HEPH: variants seen among roughly 807,000 people sequenced by gnomAD.
HEPH encodes hephaestin.
Under a neutral mutation model 80.8 loss-of-function variants are expected in HEPH, and 69 were observed. That is an observed-to-expected ratio of 0.85 (90% CI 0.70 to 1.04). HEPH has a LOEUF of 1.04. Among genes scored for constraint, HEPH ranks in the 50% least tolerant of loss-of-function variants. The pLI is 0.00. For missense variants in HEPH, 1,115 were observed against 891.3 expected, an observed-to-expected ratio of 1.25 and a Z score of -3.20; for synonymous variants, 431 against 322.8, an observed-to-expected ratio of 1.34 and a Z score of -3.60.
At chrX:66,172,644 A>C in intron 3 of HEPH, 45 bp downstream of exon 3, 1 of 1,094,773 alleles carries the variant, frequency 9.1e-7, no homozygotes, top group Non-Finnish European at 1.2e-6. Flanking sequence ...AACAAATATC[A>C]CTTTTCCTTT....
rs1483791803 is a variant in HEPH at position 66,266,681 on chromosome X, G to T, written c.*9G>T. On this transcript the variant is annotated 3_prime_UTR_variant, in exon 21 of 21. Transcript: ENST00000343002. ...TGTCTTTCAAACAGTAACATCTGGA[G>T]CCTGGAGATATCCTCAGGAAGCACA... 1.7e-6 allele frequency: 2 copies of T among 1,149,072 alleles called. No individual in the cohort carries two copies. Among genetic ancestry groups the T allele is most frequent in the Admixed American group, 2.2e-5 (1 of 45,559 alleles). 94.7% of individuals were successfully genotyped at this position (1,149,072 alleles called of 1,213,427 possible).
At chrX:66,188,062 G>A (rs2087568323) in intron 4 of HEPH, among the ~76,000 whole-genome samples, 1 of 110,941 alleles carries the variant, frequency 9.0e-6, no homozygotes, top group South Asian at 3.9e-4. Flanking sequence ...AAGACCAGAG[G>A]GTGGCAGGAA....
At chrX:66,213,850 G>A (rs776360663) in intron 15 of HEPH, among the ~76,000 whole-genome samples, 11 of 112,286 alleles carry the variant, frequency 9.8e-5, no homozygotes, top group Non-Finnish European at 1.9e-4. Flanking sequence ...ATAGCAATGG[G>A]AATACAGATA....
At chrX:66,199,127 G>T in intron 11 of HEPH, 99 bp downstream of exon 11, 1 of 859,833 alleles carries the variant, frequency 1.2e-6, no homozygotes, top group African/African-American at 2.0e-5. Flanking sequence ...TGATTTTATT[G>T]GTCATCTCTG....
rs775003676 is a variant in HEPH at position 66,172,433 on chromosome X, G to A, written c.246G>A (p.Lys82=). The A allele has an allele frequency of 2.9e-5, 35 of 1,207,440 alleles. No individual in the cohort carries two copies. In the East Asian group the frequency reaches 8.6e-4, roughly 30 times the overall value. Residue 82 remains lysine (K), a synonymous_variant, in exon 3 of 21, where the codon AAG becomes AAA. Transcript: ENST00000343002. ...TYKKTIYKEY[K]DDSYTDEVAQ... is the part of the protein sequence containing the mutation. The stretch of plus-strand genomic sequence containing the variant: ...AGAAGACCATCTATAAAGAATACAA[G>A]GATGACTCATACACAGATGAAGTGG...
At chrX:66,172,943 G>T (rs1489244123) in intron 3 of HEPH, among the ~76,000 whole-genome samples, 1 of 112,296 alleles carries the variant, frequency 8.9e-6, no homozygotes, top group Non-Finnish European at 1.9e-5. Flanking sequence ...AAATGTGAAG[G>T]ATTGTCATCC....
At chrX:66,188,608 T>A in intron 5 of HEPH, 67 bp downstream of exon 5, 1 of 943,752 alleles carries the variant, frequency 1.1e-6, no homozygotes, top group South Asian at 2.4e-5. Flanking sequence ...CTGGGCCTAG[T>A]ATTTGGTGGA....
At chrX:66,205,422 A>C (rs1569332294) in intron 13 of HEPH, among the ~76,000 whole-genome samples, 1 of 111,705 alleles carries the variant, frequency 9.0e-6, no homozygotes, top group Non-Finnish European at 1.9e-5. Context: ...AAAAGGACAT[A>C]ATTTCATTCT....
intron 15 of HEPH, among the ~76,000 whole-genome samples, chrX:66,226,543 G>A (rs904971261): frequency 8.9e-6 from 1 of 111,867 alleles, no homozygotes; most frequent in Admixed American, 9.5e-5. Flanking sequence ...TTGATAGACC[G>A]TTAGGGAGAT....
chrX:66,171,050 A>T (rs779939020), intron 2 of HEPH: 112 of 300,173 alleles, frequency 3.7e-4, no homozygotes, highest in Non-Finnish European at 6.3e-4. Context: ...ATAATGAAAT[A>T]TATACAGTGT....
At position 66,172,393 on chromosome X, in the gene HEPH, T is replaced by A; in HGVS notation, c.206T>A (p.Ile69Lys). 4.2e-6 allele frequency: 5 copies of A among 1,197,431 alleles called. No individual in the cohort carries two copies. The highest frequency in any genetic ancestry group is 5.6e-6 in the Non-Finnish European group (5 of 887,834). The change falls in exon 3 of 21, where the codon ATA (isoleucine) becomes AAA (lysine). Residue 69 changes from isoleucine to lysine, a missense_variant. By Grantham distance (102) the Ile-to-Lys change is moderately radical. Coordinates refer to ENST00000343002, the MANE Select transcript of HEPH (RefSeq NM_001367233.3). ...TTCTTAAAGTCTGACAAGAACCGGATAGGGGGAACCTACAAGAAGACCATC... is the reference window on the plus strand; with the variant it reads ...TTCTTAAAGTCTGACAAGAACCGGAAAGGGGGAACCTACAAGAAGACCATC... ...SSFLKSDKNRIGGTYKKTIYK... is the reference protein window; with the variant it reads ...SSFLKSDKNRKGGTYKKTIYK...
chrX:66,218,997 G>A (rs1159735900), intron 15 of HEPH, among the ~76,000 whole-genome samples: 2 of 111,503 alleles, frequency 1.8e-5, no homozygotes, highest in African/African-American at 6.5e-5. Context: ...CAATATGAGG[G>A]GTGGTCTCCT....
At position 66,200,676 on chromosome X, in the gene HEPH, T is replaced by G; in HGVS notation, c.2001T>G (p.Leu667=). Reference sequence around the variant, plus strand: ...TGTTCCAGGGCAACACTGTGCAGCTTCAGGGCATGAGGAAGGGTGCAGCTA... The same window carrying G: ...TGTTCCAGGGCAACACTGTGCAGCTGCAGGGCATGAGGAAGGGTGCAGCTA... The part of the protein sequence containing the change: ...GVMFQGNTVQ[L]QGMRKGAAML... The change falls in exon 12 of 21, where the codon CTT becomes CTG. Residue 667 remains leucine, a synonymous_variant. Transcript: ENST00000343002. 8.3e-7 allele frequency: 1 copy of G among 1,211,674 alleles called. No homozygotes were observed. Among genetic ancestry groups the G allele is most frequent in the East Asian group, 3.0e-5 (1 of 33,832 alleles).
At chrX:66,235,675 A>G (rs187304478) in intron 15 of HEPH, among the ~76,000 whole-genome samples, 140 of 111,398 alleles carry the variant, frequency 1.3e-3, no homozygotes, top group African/African-American at 4.4e-3. Context: ...TTGGTGAACT[A>G]TTTGGGCTCT....
chrX:66,175,703 T>C (rs933172417), intron 4 of HEPH, among the ~76,000 whole-genome samples: 5 of 111,303 alleles, frequency 4.5e-5, no homozygotes, highest in Non-Finnish European at 9.4e-5. Context: ...TTTGTAGTTC[T>C]CCTTGTAGAG....
intron 4 of HEPH, among the ~76,000 whole-genome samples, chrX:66,180,910 A>T (rs1212060280): frequency 1.1e-5 from 1 of 90,697 alleles, no homozygotes; most frequent in Non-Finnish European, 2.1e-5. Flanking sequence ...ATGTGATCTC[A>T]TTGTTCAATT....
intron 17 of HEPH, 33 bp downstream of exon 17, chrX:66,256,363 G>C: frequency 9.6e-7 from 1 of 1,045,031 alleles, no homozygotes; most frequent in Non-Finnish European, 1.3e-6. Flanking sequence ...TTGTTCCAAA[G>C]CAGTCCCTAC....
intron 1 of HEPH, among the ~76,000 whole-genome samples, chrX:66,168,883 A>G (rs997922783): frequency 9.0e-6 from 1 of 111,726 alleles, no homozygotes; most frequent in African/African-American, 3.3e-5. Flanking sequence ...TGCCTACATG[A>G]GTATGTATGT....
At chrX:66,218,352 A>T (rs1408541202) in intron 15 of HEPH, among the ~76,000 whole-genome samples, 1 of 112,034 alleles carries the variant, frequency 8.9e-6, no homozygotes, top group Non-Finnish European at 1.9e-5. Context: ...ACTCTCTCTG[A>T]CCACAGTGGA....
Sources: gnomAD v4.1 joint callset for allele counts (sites outside exome capture counted in the v4.1 genomes callset) on GRCh38, gnomAD v4.1.1 for gene constraint, MANE v1.5 for transcripts, NCBI Gene and HGNC (gene_info 2026-07-23, HGNC 2026-07-21) for gene names.